The following SPTLC2 variants were observed in gnomAD, a reference collection of about 807,000 sequenced individuals.
SPTLC2 encodes the protein serine palmitoyltransferase long chain base subunit 2.
Under a neutral mutation model 62.0 loss-of-function variants are expected in SPTLC2, and 21 were observed. That is an observed-to-expected ratio of 0.34 (90% CI 0.24 to 0.49). The LOEUF (loss-of-function observed/expected upper bound fraction) is 0.49. Among genes scored for constraint, SPTLC2 ranks in the 20% least tolerant of loss-of-function variants. The pLI, the probability that SPTLC2 is intolerant of heterozygous loss-of-function variation, is 0.99. For synonymous variants in SPTLC2, 261 were observed against 261.8 expected (o/e 1.00, Z 0.03); for missense variants, 511 against 713.0 (o/e 0.72, Z 3.23).
intron 5 of SPTLC2, among the ~76,000 whole-genome samples, chr14:77,569,506 C>T (rs2079665352): frequency 6.6e-6 from 1 of 151,968 alleles, no homozygotes; most frequent in African/African-American, 2.4e-5. Context: ...CTTGGAGGAT[C>T]AGAAAGATTA....
intron 2 of SPTLC2, among the ~76,000 whole-genome samples, chr14:77,592,105 C>T (rs984530234): frequency 4.6e-5 from 7 of 151,510 alleles, no homozygotes; most frequent in African/African-American, 1.7e-4. Context: ...CTTAATGCAC[C>T]AAAATGACAG....
At position 77,556,582 on chromosome 14, in the gene SPTLC2, A is replaced by G. The variant is rs577447846; in HGVS notation, c.956+459T>C. Among the ~76,000 whole-genome samples the G allele has an allele frequency of 3.7e-3, 557 of 152,346 alleles. 1 individual carries two copies. The highest frequency in any genetic ancestry group is 6.0e-3 in the Non-Finnish European group (405 of 68,030). On this transcript the variant is annotated intron_variant, in intron 7 of 11. Coordinates refer to ENST00000216484, the MANE Select transcript of SPTLC2 (RefSeq NM_004863.4). Reference sequence around the variant, plus strand: ...ATTTTTATTTATTTTTTACAGAGACAGGGTCTCACTATGTTGCCCAAGCTG... The same window carrying G: ...ATTTTTATTTATTTTTTACAGAGACGGGGTCTCACTATGTTGCCCAAGCTG...
intron 9 of SPTLC2, among the ~76,000 whole-genome samples, chr14:77,528,528 GC>G (rs1209005231): frequency 2.0e-5 from 3 of 152,064 alleles, no homozygotes; most frequent in Non-Finnish European, 4.4e-5. Context: ...ACTGCGCCCA[GC>G]CCCCCCTTTT....
intron 1 of SPTLC2, among the ~76,000 whole-genome samples, chr14:77,613,504 C>G (rs1211889248): frequency 6.6e-6 from 1 of 152,208 alleles, no homozygotes; most frequent in African/African-American, 2.4e-5. Context: ...TGTTTCATAA[C>G]TCCTTAACAC....
At chr14:77,587,471 T>A (rs974526277) in intron 2 of SPTLC2, among the ~76,000 whole-genome samples, 2 of 151,960 alleles carry the variant, frequency 1.3e-5, no homozygotes, top group African/African-American at 4.8e-5. Flanking sequence ...TCCATTATTA[T>A]TAAAATGAAG....
rs1175936433 is a variant in SPTLC2, at chr14:77,582,860, A to G, written c.328-3751T>C. Among the ~76,000 whole-genome samples the G allele has an allele frequency of 2.0e-5, 3 of 152,176 alleles. No homozygotes were observed. The South Asian group carries it at 6.2e-4, about 32-fold the overall frequency. ...TCAGCTCCCCTTTACTCCTTAGCTAAGCTCCAGGGTAGTAGCTCTGATCTC... is the reference window on the plus strand; with the variant it reads ...TCAGCTCCCCTTTACTCCTTAGCTAGGCTCCAGGGTAGTAGCTCTGATCTC... On this transcript the variant is annotated intron_variant, in intron 2 of 11. Coordinates refer to ENST00000216484, the MANE Select transcript of SPTLC2 (RefSeq NM_004863.4).
chr14:77,516,842 G>C (rs2079361783), intron 11 of SPTLC2, among the ~76,000 whole-genome samples: 1 of 152,172 alleles, frequency 6.6e-6, no homozygotes, highest in African/African-American at 2.4e-5. Context: ...TAGAAATTTT[G>C]CTGTGTAGAA....
chr14:77,550,303 G>A (rs548757687), intron 9 of SPTLC2, among the ~76,000 whole-genome samples: 2 of 152,346 alleles, frequency 1.3e-5, no homozygotes, highest in South Asian at 2.1e-4. Flanking sequence ...GACTGGGCGC[G>A]GTGGCTTACG....
intron 2 of SPTLC2, among the ~76,000 whole-genome samples, chr14:77,591,322 G>C (rs1192313369): frequency 6.6e-6 from 1 of 152,212 alleles, no homozygotes; most frequent in Non-Finnish European, 1.5e-5. Flanking sequence ...TGCCGAGGGT[G>C]GGGAGGGTGG....
intron 9 of SPTLC2, among the ~76,000 whole-genome samples, chr14:77,541,640 T>C (rs1224726068): frequency 6.6e-6 from 1 of 152,226 alleles, no homozygotes; most frequent in African/African-American, 2.4e-5. Context: ...TCACTTTCTT[T>C]GAACAGCTCT....
chr14:77,536,980 T>C (rs1021895529), intron 9 of SPTLC2, among the ~76,000 whole-genome samples: 5 of 151,002 alleles, frequency 3.3e-5, no homozygotes, highest in Admixed American at 2.0e-4. Flanking sequence ...TGGAGTGCAA[T>C]GGTGCAATCT....
chr14:77,614,842 G>A (rs1464114145), intron 1 of SPTLC2, among the ~76,000 whole-genome samples: 2 of 150,894 alleles, frequency 1.3e-5, no homozygotes, highest in African/African-American at 2.4e-5. Flanking sequence ...GTGATGACGG[G>A]CGCCTGTAAT....
chr14:77,564,619 G>C (rs982051962), intron 5 of SPTLC2, among the ~76,000 whole-genome samples: 5 of 151,840 alleles, frequency 3.3e-5, no homozygotes, highest in African/African-American at 1.2e-4. Context: ...TTGGAGAACT[G>C]GTTAATTCCA....
intron 1 of SPTLC2, among the ~76,000 whole-genome samples, chr14:77,609,496 G>A (rs2079923459): frequency 6.6e-6 from 1 of 152,142 alleles, no homozygotes; most frequent in Non-Finnish European, 1.5e-5. Flanking sequence ...CAGCACTTTG[G>A]AAGTCCGAAG....
chr14:77,532,700 T>C (rs560719696), intron 9 of SPTLC2, among the ~76,000 whole-genome samples: 102 of 151,636 alleles, frequency 6.7e-4, no homozygotes, highest in Non-Finnish European at 6.6e-4. Flanking sequence ...AGGAGAATGG[T>C]GTGAACCCAG....
At chr14:77,563,000 T>TA (rs1045113244) in intron 5 of SPTLC2, among the ~76,000 whole-genome samples, 1 of 152,134 alleles carries the variant, frequency 6.6e-6, no homozygotes, top group African/African-American at 2.4e-5. Flanking sequence ...AGTTTTGTCT[T>TA]AAAAATCCCC....
chr14:77,521,585 G>C lies in SPTLC2; in HGVS notation c.1304-4C>G, dbSNP rs1555373207. The C allele has an allele frequency of 2.5e-6, 4 of 1,613,810 alleles. No individual in the cohort carries two copies. The highest frequency in any genetic ancestry group is 3.4e-6 in the Non-Finnish European group (4 of 1,179,820). On this transcript the variant is annotated splice_polypyrimidine_tract_variant and splice_region_variant and intron_variant, in intron 9 of 11. Transcript: ENST00000216484. ...AACTGTTGTACACACTCTTTACCTG[G>C]AAAGTCACGGTGAGAGAAAACAAAA... is the stretch of plus-strand genomic sequence containing the variant.
At chr14:77,531,463 T>TCCTCCTCCTCCTCCTCCCCCTCGC (rs1228864711) in intron 9 of SPTLC2, among the ~76,000 whole-genome samples, 1 of 121,196 alleles carries the variant, frequency 8.3e-6, no homozygotes, top group Non-Finnish European at 1.7e-5. Context: ...CTCCTCCTCC[T>TCCTCCTCCTCCTCCTCCCCCTCGC]CCTCCTCCTC....
chr14:77,583,242 A>AAAT (rs1566787294), intron 2 of SPTLC2, among the ~76,000 whole-genome samples: 53 of 103,894 alleles, frequency 5.1e-4, no homozygotes, highest in African/African-American at 9.2e-4. Context: ...AATAAATAAA[A>AAAT]ATAATAATTT....
Sources: gnomAD v4.1 joint callset for allele counts (sites outside exome capture counted in the v4.1 genomes callset) on GRCh38, gnomAD v4.1.1 for gene constraint, MANE v1.5 for transcripts, NCBI Gene and HGNC (gene_info 2026-07-23, HGNC 2026-07-21) for gene names.